PCDH9: variants seen among roughly 807,000 people sequenced by gnomAD.
PCDH9 encodes protocadherin-9.
A neutral mutation model predicts 70.6 loss-of-function variants in PCDH9; 24 were observed. That is an observed-to-expected ratio of 0.34 (90% confidence interval 0.25 to 0.48). PCDH9 has a LOEUF of 0.48. Ranked by LOEUF, PCDH9 falls within the 20% of genes least tolerant of loss-of-function variation. PCDH9 has a pLI of 0.99. For missense variants in PCDH9, 1,281 were observed against 1,503.6 expected, an observed-to-expected ratio of 0.85 and a Z score of 2.45; for synonymous variants, 562 against 558.5, an observed-to-expected ratio of 1.01 and a Z score of -0.09.
At chr13:67,163,796 C>T (rs145046949) in intron 2 of PCDH9, among the ~76,000 whole-genome samples, 1 of 152,128 alleles carries the variant, frequency 6.6e-6, no homozygotes. Flanking sequence ...ATGGTTAATT[C>T]TTTTCTTATA....
chr13:67,143,741 G>A (rs1353111209), intron 2 of PCDH9, among the ~76,000 whole-genome samples: 1 of 152,164 alleles, frequency 6.6e-6, no homozygotes, highest in Admixed American at 6.5e-5. Flanking sequence ...ACCAGACCCT[G>A]AGGAAGAAAA....
intron 4 of PCDH9, among the ~76,000 whole-genome samples, chr13:66,471,103 C>T (rs1248583229): frequency 2.0e-5 from 3 of 151,842 alleles, no homozygotes; most frequent in Non-Finnish European, 2.9e-5. Flanking sequence ...CCAAAGAACG[C>T]TTGCCTAGAG....
In PCDH9 at chr13:66,906,198, C is replaced by T. The variant is rs372790758; in HGVS notation, c.3037-2593G>A. Among the ~76,000 whole-genome samples, 12 of 152,142 alleles carry T rather than the reference C, an allele frequency of 7.9e-5. No individual in the cohort carries two copies. The East Asian group carries it at 2.3e-3, about 29-fold the overall frequency. On this transcript the variant is annotated intron_variant, in intron 2 of 4. Transcript: ENST00000377865. ...CATGCATAGACTCCCAGATTTGATA[C>T]ATGAATAGAGAGTCTCGAGAGGTGG...
At chr13:66,996,508 A>G (rs548361680) in intron 2 of PCDH9, among the ~76,000 whole-genome samples, 1 of 152,340 alleles carries the variant, frequency 6.6e-6, no homozygotes, top group East Asian at 1.9e-4. Flanking sequence ...CTTTTAAACT[A>G]AATAAATTTA....
chr13:66,897,274 AG>A (rs2082198557), intron 3 of PCDH9, among the ~76,000 whole-genome samples: 1 of 152,038 alleles, frequency 6.6e-6, no homozygotes, highest in Admixed American at 6.6e-5. Flanking sequence ...GAGGGAGGGA[AG>A]AAAGGAGAGA....
chr13:66,715,695 C>T (rs1380420478), intron 3 of PCDH9, among the ~76,000 whole-genome samples: 1 of 152,130 alleles, frequency 6.6e-6, no homozygotes, highest in Admixed American at 6.6e-5. Context: ...AATGTCTATT[C>T]TTTATCTGAT....
chr13:66,721,972 G>A (rs1210316298), intron 3 of PCDH9, among the ~76,000 whole-genome samples: 2 of 152,116 alleles, frequency 1.3e-5, no homozygotes, highest in Non-Finnish European at 2.9e-5. Flanking sequence ...ATAAATTTAT[G>A]AACACGGACC....
chr13:66,467,698 A>G (rs1332238203), intron 4 of PCDH9, among the ~76,000 whole-genome samples: 1 of 152,010 alleles, frequency 6.6e-6, no homozygotes, highest in African/African-American at 2.4e-5. Context: ...TTTTGAATGG[A>G]TCCTGTATGT....
intron 2 of PCDH9, among the ~76,000 whole-genome samples, chr13:66,973,974 A>G (rs1306954084): frequency 6.6e-6 from 1 of 151,998 alleles, no homozygotes; most frequent in Non-Finnish European, 1.5e-5. Context: ...TTTGCTTAAC[A>G]GGAGTATGGA....
At chr13:67,021,814 C>A (rs1173026919) in intron 2 of PCDH9, among the ~76,000 whole-genome samples, 2 of 152,080 alleles carry the variant, frequency 1.3e-5, no homozygotes, top group Non-Finnish European at 2.9e-5. Flanking sequence ...CCTAAATCAG[C>A]CTCCCAAAGT....
intron 4 of PCDH9, among the ~76,000 whole-genome samples, chr13:66,576,999 ATAT>A (rs530553972): frequency 3.2e-4 from 49 of 152,182 alleles, no homozygotes; most frequent in African/African-American, 1.0e-3. Context: ...AATTATGAAG[ATAT>A]TATAACTGCT....
intron 4 of PCDH9, among the ~76,000 whole-genome samples, chr13:66,329,775 G>C (rs1389952981): frequency 6.6e-6 from 1 of 152,126 alleles, no homozygotes; most frequent in Non-Finnish European, 1.5e-5. Context: ...ATTGTACACA[G>C]GTAGGCGGAA....
chr13:66,817,413 C>A (rs1378306310), intron 3 of PCDH9, among the ~76,000 whole-genome samples: 2 of 152,062 alleles, frequency 1.3e-5, no homozygotes, highest in African/African-American at 4.8e-5. Flanking sequence ...GAACTTGTTT[C>A]TCTAATGAAC....
intron 4 of PCDH9, among the ~76,000 whole-genome samples, chr13:66,395,160 G>A (rs1957080869): frequency 1.3e-5 from 2 of 152,168 alleles, no homozygotes; most frequent in Admixed American, 6.5e-5. Flanking sequence ...ACAAATTTTA[G>A]TAATGGGCCT....
intron 2 of PCDH9, among the ~76,000 whole-genome samples, chr13:67,010,314 T>C (rs1183381385): frequency 6.6e-6 from 1 of 151,980 alleles, no homozygotes; most frequent in Admixed American, 6.6e-5. Flanking sequence ...GCCTTAACTT[T>C]AATTTACCTA....
chr13:67,225,164 T>C, intron 2 of PCDH9: 1 of 1,376,648 alleles, frequency 7.3e-7, no homozygotes, highest in Non-Finnish European at 9.3e-7. Context: ...TTTTCTCTTT[T>C]CATCTTTTGC....
At chr13:66,864,092 C>T (rs1033746767) in intron 3 of PCDH9, among the ~76,000 whole-genome samples, 1 of 151,984 alleles carries the variant, frequency 6.6e-6, no homozygotes, top group Non-Finnish European at 1.5e-5. Flanking sequence ...GGTAACTGCC[C>T]CCATAATTCA....
chr13:67,007,575 G>C (rs528182972), intron 2 of PCDH9, among the ~76,000 whole-genome samples: 1 of 152,302 alleles, frequency 6.6e-6, no homozygotes, highest in African/African-American at 2.4e-5. Context: ...ATGGGATATA[G>C]AGGAGTAAGA....
At chr13:66,876,932 C>T (rs1282339657) in intron 3 of PCDH9, 1 of 152,052 alleles carries the variant, frequency 6.6e-6, no homozygotes, top group Non-Finnish European at 1.5e-5. Flanking sequence ...AAGGGTTTTA[C>T]AATCTAACTA....
Sources: allele counts gnomAD v4.1 joint callset (sites outside exome capture counted in the v4.1 genomes callset), GRCh38; gene constraint gnomAD v4.1.1; transcripts MANE v1.5; gene names NCBI Gene and HGNC (gene_info 2026-07-23, HGNC 2026-07-21).